The following CTNNA3 variants were observed in gnomAD, a reference collection of about 807,000 sequenced individuals.
CTNNA3 encodes catenin alpha 3.
A neutral mutation model predicts 95.7 loss-of-function variants in CTNNA3; 76 were observed. That is an observed-to-expected ratio of 0.79 (90% CI 0.66 to 0.96). CTNNA3 has a LOEUF of 0.96. Among genes scored for constraint, CTNNA3 ranks in the 40% least tolerant of loss-of-function variants. The pLI, the probability that CTNNA3 is intolerant of heterozygous loss-of-function variation, is 0.00. For synonymous variants in CTNNA3, 431 were observed against 374.4 expected (o/e 1.15, Z -1.74); for missense variants, 1,191 against 1,089.8 (o/e 1.09, Z -1.31).
intron 6 of CTNNA3, among the ~76,000 whole-genome samples, chr10:67,195,002 G>T (rs747934237): frequency 1.3e-4 from 19 of 151,986 alleles, no homozygotes; most frequent in African/African-American, 4.3e-4. Flanking sequence ...CTCCATGAAA[G>T]GTTGCTGATT....
rs372590130 is a variant in CTNNA3, at chr10:66,431,663, C to T, written c.1532-52311G>A. Among the ~76,000 whole-genome samples the T allele has an allele frequency of 4.6e-4, 68 of 149,318 alleles. 1 individual carries two copies. In the South Asian group the frequency reaches 0.013, roughly 29 times the overall value. On this transcript the variant is annotated intron_variant, in intron 11 of 17. Transcript: ENST00000433211. ...TCGCAAGGACAAAAAAACCAAACAC[C>T]GCATTTTCTCACTCACAGGTGGGAA...
chr10:66,897,871 A>C (rs1845564426), intron 7 of CTNNA3, among the ~76,000 whole-genome samples: 1 of 152,190 alleles, frequency 6.6e-6, no homozygotes, highest in Admixed American at 6.5e-5. Context: ...AACAGTGACT[A>C]AGTGAGAAAT....
At chr10:66,472,910 A>G (rs1245325793) in intron 11 of CTNNA3, among the ~76,000 whole-genome samples, 1 of 152,000 alleles carries the variant, frequency 6.6e-6, no homozygotes, top group Non-Finnish European at 1.5e-5. Context: ...TATGTTATGC[A>G]ATCATTCATA....
chr10:66,609,900 C>A (rs942049451), intron 10 of CTNNA3, among the ~76,000 whole-genome samples: 1 of 152,032 alleles, frequency 6.6e-6, no homozygotes, highest in Non-Finnish European at 1.5e-5. Flanking sequence ...ACATATACAC[C>A]ATGGAATACT....
chr10:66,631,636 C>G (rs1414147464), intron 9 of CTNNA3, among the ~76,000 whole-genome samples: 1 of 152,070 alleles, frequency 6.6e-6, no homozygotes, highest in East Asian at 1.9e-4. Flanking sequence ...AATTCTTAAT[C>G]TCAAACAAAA....
At chr10:67,573,868 G>A (rs1026824181) in intron 3 of CTNNA3, among the ~76,000 whole-genome samples, 2 of 152,000 alleles carry the variant, frequency 1.3e-5, no homozygotes, top group African/African-American at 4.8e-5. Flanking sequence ...CTGACTTCAA[G>A]GAACTTCAGT....
At chr10:65,997,126 T>G (rs1029611840) in intron 15 of CTNNA3, among the ~76,000 whole-genome samples, 8 of 152,204 alleles carry the variant, frequency 5.3e-5, no homozygotes, top group Non-Finnish European at 1.0e-4. Flanking sequence ...AAACATGAAT[T>G]AAATTTATCT....
At chr10:66,531,305 C>G (rs990948407) in intron 10 of CTNNA3, among the ~76,000 whole-genome samples, 2 of 152,114 alleles carry the variant, frequency 1.3e-5, no homozygotes, top group East Asian at 1.9e-4. Context: ...ACTCTCTGAG[C>G]CTCAATTTCC....
intron 7 of CTNNA3, among the ~76,000 whole-genome samples, chr10:66,842,180 C>A (rs2132351041): frequency 1.3e-5 from 2 of 151,956 alleles, no homozygotes; most frequent in East Asian, 3.9e-4. Context: ...AGGGCTCAAG[C>A]AATCCTCCTG....
chr10:66,353,124 T>C (rs936952997), intron 12 of CTNNA3, among the ~76,000 whole-genome samples: 2 of 152,158 alleles, frequency 1.3e-5, no homozygotes, highest in African/African-American at 4.8e-5. Context: ...TTTTGTGTCC[T>C]ACTTTTTATT....
At chr10:67,051,781 GTC>G (rs1311923388) in intron 7 of CTNNA3, among the ~76,000 whole-genome samples, 29 of 148,286 alleles carry the variant, frequency 2.0e-4, no homozygotes, top group African/African-American at 7.0e-4. Flanking sequence ...TTGAGATGGA[GTC>G]TCACTCTCTC....
At chr10:67,481,438 T>C (rs1459323773) in intron 5 of CTNNA3, among the ~76,000 whole-genome samples, 1 of 152,136 alleles carries the variant, frequency 6.6e-6, no homozygotes, top group Non-Finnish European at 1.5e-5. Flanking sequence ...AGTGTCAGGA[T>C]ACAAAATCAA....
rs554362087 is a variant in CTNNA3, at chr10:67,324,222, T to G, written c.580-104352A>C. 1.4e-4 allele frequency among the ~76,000 whole-genome samples: 22 copies of G among 152,298 alleles called. No homozygotes were observed. In the South Asian group the frequency reaches 4.6e-3, roughly 32 times the overall value. On this transcript the variant is annotated intron_variant, in intron 5 of 17. Coordinates refer to ENST00000433211, the MANE Select transcript of CTNNA3 (RefSeq NM_013266.4). ...TTTTATTTGGATGCTCTTATTTTCT[T>G]TCTCTTGCCTGATTGCCCTGGCCAG... is the stretch of plus-strand genomic sequence containing the variant.
At chr10:66,622,590 T>C (rs1035574388) in intron 9 of CTNNA3, among the ~76,000 whole-genome samples, 8 of 152,156 alleles carry the variant, frequency 5.3e-5, no homozygotes, top group Admixed American at 1.3e-4. Flanking sequence ...GTAAGGCTTA[T>C]GGACAGAGGC....
intron 1 of CTNNA3, among the ~76,000 whole-genome samples, chr10:67,753,917 G>A (rs536540273): frequency 1.3e-5 from 2 of 152,278 alleles, no homozygotes; most frequent in African/African-American, 2.4e-5. Context: ...GATTCCTCAG[G>A]GATCTAAAAC....
chr10:66,380,625 C>CTATA (rs57630837), intron 11 of CTNNA3, among the ~76,000 whole-genome samples: 48 of 122,884 alleles, frequency 3.9e-4, no homozygotes, highest in Admixed American at 1.2e-3. Context: ...ATCTATCTAT[C>CTATA]TATATATATA....
chr10:67,052,380 C>T (rs59251898), intron 7 of CTNNA3, among the ~76,000 whole-genome samples: 1,621 of 151,250 alleles, frequency 0.011, 33 homozygotes, highest in African/African-American at 0.037. Flanking sequence ...CGGCCAATGC[C>T]TTACTGTCTA....
At chr10:66,929,193 G>C (rs2296421) in intron 7 of CTNNA3, among the ~76,000 whole-genome samples, 52,129 of 152,022 alleles carry the variant, frequency 0.34, 9,646 homozygotes, top group East Asian at 0.47. Flanking sequence ...AATCAGACTA[G>C]AGGTTTCACT....
chr10:66,518,709 A>G (rs1459756827), intron 11 of CTNNA3, among the ~76,000 whole-genome samples: 1 of 152,112 alleles, frequency 6.6e-6, no homozygotes, highest in African/African-American at 2.4e-5. Flanking sequence ...ATATACATGC[A>G]TGATACACAT....
Sources: allele counts gnomAD v4.1 joint callset (sites outside exome capture counted in the v4.1 genomes callset), GRCh38; gene constraint gnomAD v4.1.1; transcripts MANE v1.5; gene names NCBI Gene and HGNC (gene_info 2026-07-23, HGNC 2026-07-21).